Variants in IQSEC1 observed in about 807,000 individuals in gnomAD.
IQSEC1 encodes IQ motif and Sec7 domain ArfGEF 1, also known as IQ motif and SEC7 domain-containing protein 1.
IQSEC1 carries 31 observed loss-of-function variants against 91.0 expected under a neutral mutation model. The ratio of observed to expected loss-of-function variants is 0.34; its 90% confidence interval spans 0.26 to 0.46. IQSEC1 has a LOEUF of 0.46. Among genes scored for constraint, IQSEC1 ranks in the 20% least tolerant of loss-of-function variants. The pLI is 1.00. For synonymous variants in IQSEC1, 699 were observed against 662.6 expected (o/e 1.05, Z -0.84); for missense variants, 1,388 against 1,575.6 (o/e 0.88, Z 2.02).
intron 3 of IQSEC1, among the ~76,000 whole-genome samples, chr3:12,931,454 T>C (rs896393047): frequency 6.6e-6 from 1 of 152,244 alleles, no homozygotes; most frequent in African/African-American, 2.4e-5. Flanking sequence ...CTTCCCAGGA[T>C]GGCTGTGGCG....
chr3:12,922,539 A>AGAGACAAGCATTTTT lies in IQSEC1; in HGVS notation c.1731-312_1731-298dup, dbSNP rs2125188910. Reference sequence around the variant, plus strand: ...GTTATCTGGATCAAAGCCCTTCCCAAGAGACAAGCATTTTTAAGCACAGCC... The same window carrying AGAGACAAGCATTTTT: ...GTTATCTGGATCAAAGCCCTTCCCAAGAGACAAGCATTTTTGAGACAAGCATTTTTAAGCACAGCC... On this transcript the variant is annotated intron_variant, in intron 4 of 13. Transcript: ENST00000613206. The surrounding 1 kb of genome is among the most constrained non-coding windows in gnomAD (Gnocchi z 5.1). Among the ~76,000 whole-genome samples the AGAGACAAGCATTTTT allele has an allele frequency of 6.6e-6, 1 of 152,272 alleles. No homozygotes were observed. Among genetic ancestry groups the AGAGACAAGCATTTTT allele is most frequent in the African/African-American group, 2.4e-5 (1 of 41,568 alleles).
chr3:13,227,312 G>T (rs1238787593), intron 1 of IQSEC1, among the ~76,000 whole-genome samples: 1 of 138,934 alleles, frequency 7.2e-6, no homozygotes, highest in Non-Finnish European at 1.5e-5. Flanking sequence ...GGAGGCAGAG[G>T]ATGCCGTGAG....
chr3:12,907,498 G>A (rs1695107803), intron 12 of IQSEC1, among the ~76,000 whole-genome samples: 1 of 152,210 alleles, frequency 6.6e-6, no homozygotes, highest in Non-Finnish European at 1.5e-5. Flanking sequence ...TCGCTGACTG[G>A]TGGACAGACT....
At position 12,897,185 on chromosome 3, in the gene IQSEC1, C is replaced by T. The variant is rs1438047804; in HGVS notation, c.*3798G>A. Reference sequence around the variant, plus strand: ...GGAGATCTGGGTCTGGCCAACAGGGCAACTTCTGGACTTTTCAGAAAAAGT... The same window carrying T: ...GGAGATCTGGGTCTGGCCAACAGGGTAACTTCTGGACTTTTCAGAAAAAGT... On this transcript the variant is annotated 3_prime_UTR_variant, in exon 14 of 14. Transcript: ENST00000613206. The T allele has an allele frequency of 1.3e-5, 2 of 152,244 alleles. No individual in the cohort carries two copies. The highest frequency in any genetic ancestry group is 2.4e-5 in the African/African-American group (1 of 41,474). The allele number at this position is 152,244 out of a possible 1,614,324, so 9.4% of individuals were successfully genotyped here.
chr3:13,101,640 C>T (rs879396022), intron 2 of IQSEC1, among the ~76,000 whole-genome samples: 11 of 151,900 alleles, frequency 7.2e-5, no homozygotes, highest in Non-Finnish European at 1.3e-4. Context: ...TCAGGCTGGG[C>T]TGCAGGCGGA....
intron 1 of IQSEC1, among the ~76,000 whole-genome samples, chr3:12,986,782 G>T (rs2125610660): frequency 6.6e-6 from 1 of 152,338 alleles, no homozygotes; most frequent in Non-Finnish European, 1.5e-5. Context: ...GGGTGCCTGT[G>T]CGCATATGTG....
At chr3:12,906,492 C>T (rs1351941021) in intron 12 of IQSEC1, among the ~76,000 whole-genome samples, 1 of 152,258 alleles carries the variant, frequency 6.6e-6, no homozygotes, top group African/African-American at 2.4e-5. Flanking sequence ...CAAACCCCAC[C>T]TCGCTTCACC....
chr3:13,254,679 G>A (rs73033220), intron 1 of IQSEC1, among the ~76,000 whole-genome samples: 1,753 of 152,282 alleles, frequency 0.012, 21 homozygotes, highest in Non-Finnish European at 0.019. Flanking sequence ...CTTCCTACTC[G>A]TTTTCCTCCC....
rs766870152 is a variant in IQSEC1 at position 12,908,864 on chromosome 3, T to A, written c.2579-339A>T. ...CCACAGAGAGGGCAGTGGTAGGGAG[T>A]CCCATGTGCCTCCAAGGAGTAGACC... is the stretch of plus-strand genomic sequence containing the variant. On this transcript the variant is annotated intron_variant, in intron 11 of 13. Transcript: ENST00000613206. This position sits in a 1 kb window ranked among gnomAD's most constrained non-coding sequence, Gnocchi z 4.9. Among the ~76,000 whole-genome samples the A allele has an allele frequency of 3.4e-5, 5 of 148,188 alleles. No homozygotes were observed. The highest frequency in any genetic ancestry group is 5.0e-5 in the African/African-American group (2 of 39,978).
At chr3:12,916,661 G>C (rs1025977574) in intron 6 of IQSEC1, among the ~76,000 whole-genome samples, 4 of 152,210 alleles carry the variant, frequency 2.6e-5, no homozygotes, top group African/African-American at 9.6e-5. Flanking sequence ...TCCACTGACT[G>C]CATTTGGGGA....
chr3:13,255,226 C>T (rs1695265403), intron 1 of IQSEC1, among the ~76,000 whole-genome samples: 1 of 152,202 alleles, frequency 6.6e-6, no homozygotes, highest in Admixed American at 6.5e-5. Flanking sequence ...GCCACTGCCT[C>T]TCTCCCCTAA....
intron 1 of IQSEC1, among the ~76,000 whole-genome samples, chr3:13,237,168 C>T (rs989301148): frequency 6.6e-5 from 10 of 152,264 alleles, no homozygotes; most frequent in African/African-American, 2.4e-4. Flanking sequence ...TAGGATTCTG[C>T]TGCCAACAAT....
intron 2 of IQSEC1, among the ~76,000 whole-genome samples, chr3:13,145,802 GGC>G (rs1491283523): frequency 4.8e-5 from 5 of 103,338 alleles, no homozygotes; most frequent in Admixed American, 9.6e-5. Flanking sequence ...GGCGCCCGGG[GGC>G]GGGGGGGGGG....
intron 2 of IQSEC1, among the ~76,000 whole-genome samples, chr3:13,123,003 C>T (rs1045509697): frequency 1.3e-5 from 2 of 152,206 alleles, no homozygotes; most frequent in African/African-American, 4.8e-5. Context: ...CTGAGTGCCA[C>T]AGGCCCAGGG....
At chr3:13,117,527 C>T (rs1334712521) in intron 2 of IQSEC1, among the ~76,000 whole-genome samples, 13 of 137,082 alleles carry the variant, frequency 9.5e-5, no homozygotes, top group African/African-American at 2.8e-4. Context: ...GCCGAGATCA[C>T]GCCACTGCAC....
intron 1 of IQSEC1, among the ~76,000 whole-genome samples, chr3:13,055,709 A>T (rs1285350788): frequency 6.6e-6 from 1 of 152,194 alleles, no homozygotes; most frequent in Non-Finnish European, 1.5e-5. Flanking sequence ...GGCTGCCCCC[A>T]CTAACCCGGT....
intron 1 of IQSEC1, among the ~76,000 whole-genome samples, chr3:12,951,418 G>C (rs1050156317): frequency 2.6e-5 from 4 of 151,356 alleles, no homozygotes; most frequent in Non-Finnish European, 5.9e-5. Flanking sequence ...GTGTACTCCA[G>C]CTGGGCAACA....
chr3:13,147,075 G>C (rs373413369), intron 2 of IQSEC1, among the ~76,000 whole-genome samples: 1 of 152,224 alleles, frequency 6.6e-6, no homozygotes, highest in East Asian at 1.9e-4. Flanking sequence ...TCCCTCTGCA[G>C]GTTGGAAGGT....
chr3:13,276,626 C>T (rs1695686908), intron 1 of IQSEC1, among the ~76,000 whole-genome samples: 1 of 152,154 alleles, frequency 6.6e-6, no homozygotes, highest in Non-Finnish European at 1.5e-5. Context: ...GGCTAACTGT[C>T]CAGGAGCCAC....
Sources: allele counts gnomAD v4.1 joint callset (sites outside exome capture counted in the v4.1 genomes callset), GRCh38; gene constraint gnomAD v4.1.1; non-coding constraint Gnocchi (gnomAD v3.1); transcripts MANE v1.5; gene names NCBI Gene and HGNC (gene_info 2026-07-23, HGNC 2026-07-21).